Variants in DCHS2 observed in about 807,000 individuals in gnomAD.
DCHS2 encodes dachsous cadherin-related 2, also known as protocadherin-23.
DCHS2 carries 142 observed loss-of-function variants against 182.4 expected under a neutral mutation model. The ratio of observed to expected loss-of-function variants is 0.78; its 90% confidence interval spans 0.68 to 0.89. The LOEUF (loss-of-function observed/expected upper bound fraction) is 0.89, where lower values mean the gene tolerates loss of function less well. DCHS2 is among the 40% of genes least tolerant of loss of function. The pLI is 0.00. For synonymous variants in DCHS2, 1,740 were observed against 1,663.3 expected (o/e 1.05, Z -1.12); for missense variants, 4,319 against 4,198.6 (o/e 1.03, Z -0.79).
chr4:154,303,616 G>A (rs1461294905), intron 12 of DCHS2, among the ~76,000 whole-genome samples: 1 of 152,026 alleles, frequency 6.6e-6, no homozygotes, highest in Non-Finnish European at 1.5e-5. Flanking sequence ...CAATGCTGTT[G>A]GATATAAAGA....
chr4:154,418,122 C>G (rs536966665), intron 1 of DCHS2, among the ~76,000 whole-genome samples: 1 of 152,236 alleles, frequency 6.6e-6, no homozygotes, highest in East Asian at 1.9e-4. Flanking sequence ...ACAATTATTT[C>G]TAGTTAATAC....
intron 15 of DCHS2, among the ~76,000 whole-genome samples, chr4:154,256,538 T>A (rs978766539): frequency 1.1e-4 from 16 of 152,144 alleles, no homozygotes; most frequent in African/African-American, 3.9e-4. Flanking sequence ...TTATCAAAGT[T>A]GTGTTGAGGA....
At chr4:154,270,089 A>G (rs1733514237) in intron 13 of DCHS2, 76 bp from the exon 14 acceptor site, 2 of 1,483,782 alleles carry the variant, frequency 1.3e-6, no homozygotes, top group East Asian at 2.3e-5. Context: ...AATACTGATT[A>G]TTTATTATTT....
intron 3 of DCHS2, among the ~76,000 whole-genome samples, chr4:154,339,303 T>A (rs1728953524): frequency 6.6e-6 from 1 of 152,188 alleles, no homozygotes; most frequent in Non-Finnish European, 1.5e-5. Flanking sequence ...GCTCACCCAT[T>A]CTAGGGCTGG....
intron 1 of DCHS2, among the ~76,000 whole-genome samples, chr4:154,390,104 T>A (rs898645974): frequency 1.8e-4 from 24 of 135,964 alleles, no homozygotes; most frequent in Non-Finnish European, 3.5e-4. Flanking sequence ...TTTTTTTAAA[T>A]TTTTTTATTT....
intron 1 of DCHS2, among the ~76,000 whole-genome samples, chr4:154,383,131 A>G (rs972896762): frequency 6.6e-6 from 1 of 152,242 alleles, no homozygotes; most frequent in Non-Finnish European, 1.5e-5. Flanking sequence ...TGTGGAACAT[A>G]TGCACTATGG....
chr4:154,389,094 A>G (rs1731551904), intron 1 of DCHS2, among the ~76,000 whole-genome samples: 1 of 152,214 alleles, frequency 6.6e-6, no homozygotes, highest in South Asian at 2.1e-4. Context: ...CCATTTTAGC[A>G]TGAAAGAGCC....
intron 1 of DCHS2, among the ~76,000 whole-genome samples, chr4:154,460,449 A>G (rs929784582): frequency 1.3e-5 from 2 of 152,198 alleles, no homozygotes; most frequent in Non-Finnish European, 2.9e-5. Context: ...CCTCAGGCAC[A>G]TTATTTCACT....
chr4:154,429,232 G>T (rs900090913), intron 1 of DCHS2, among the ~76,000 whole-genome samples: 1 of 152,144 alleles, frequency 6.6e-6, no homozygotes, highest in South Asian at 2.1e-4. Flanking sequence ...GACAGAACTG[G>T]TGCTTCGGGA....
rs558517901 is a variant in DCHS2, at chr4:154,469,955, T to C, written c.2052+19349A>G. On this transcript the variant is annotated intron_variant, in intron 1 of 19. Transcript: ENST00000357232. ...TTACAGTCTTCTATTTCATTATTTC[T>C]ATTTTCTGTCTGTCTTCTCCCACAA... Among the ~76,000 whole-genome samples, 7 of 152,334 alleles carry C rather than the reference T, an allele frequency of 4.6e-5. No individual in the cohort carries two copies. The South Asian group carries it at 1.2e-3, about 27-fold the overall frequency.
In DCHS2 at chr4:154,391,035, A is replaced by G. The variant is rs184499835; in HGVS notation, c.2053-13591T>C. Reference sequence around the variant, plus strand: ...ATTCATGAGAGGATCCTAGCTAAGTATTTCTTCCAAGGCTTTATTTCCCTG... The same window carrying G: ...ATTCATGAGAGGATCCTAGCTAAGTGTTTCTTCCAAGGCTTTATTTCCCTG... On this transcript the variant is annotated intron_variant, in intron 1 of 19. Coordinates refer to ENST00000357232, the MANE Select transcript of DCHS2 (RefSeq NM_001358235.2). 14 of 751,138 alleles carry G rather than the reference A, an allele frequency of 1.9e-5. No individual in the cohort carries two copies. In the Admixed American group the frequency reaches 2.4e-4, roughly 13 times the overall value. 46.5% of individuals were successfully genotyped at this position (751,138 alleles called of 1,614,324 possible).
Position 154,234,735 on chromosome 4 carries a change from G to A in DCHS2, c.9917C>T (p.Pro3306Leu), listed in dbSNP as rs371994760. The A allele has an allele frequency of 3.8e-5, 62 of 1,613,754 alleles. No individual in the cohort carries two copies. In the East Asian group the frequency reaches 1.2e-3, roughly 30 times the overall value. ...MPAVNLGQVPPKHPRSPIPYH... is the reference protein window; with the variant it reads ...MPAVNLGQVPLKHPRSPIPYH... Reference sequence around the variant, plus strand: ...GGGGATGGGAGAGCGTGGGTGTTTCGGAGGCACCTGCCCCAGGTTTACTGC... The same window carrying A: ...GGGGATGGGAGAGCGTGGGTGTTTCAGAGGCACCTGCCCCAGGTTTACTGC... Residue 3306 changes from proline to leucine, a missense_variant, in exon 20 of 20, where the codon CCG becomes CTG. Physicochemically the swap from Pro to Leu is moderately conservative, Grantham distance 98. Coordinates refer to ENST00000357232, the MANE Select transcript of DCHS2 (RefSeq NM_001358235.2).
chr4:154,437,647 A>T (rs1363490458), intron 1 of DCHS2, among the ~76,000 whole-genome samples: 2 of 152,066 alleles, frequency 1.3e-5, no homozygotes, highest in East Asian at 3.9e-4. Flanking sequence ...CTGCAAATAA[A>T]CTTTGATTTT....
In DCHS2 at chr4:154,233,552, G is replaced by A. The variant is rs1363375799; in HGVS notation, c.*984C>T. Reference sequence around the variant, plus strand: ...TCTATGAGATTTATCATTAGCTAATGACATGATTTTTATCTACACAAATTT... The same window carrying A: ...TCTATGAGATTTATCATTAGCTAATAACATGATTTTTATCTACACAAATTT... On this transcript the variant is annotated 3_prime_UTR_variant, in exon 20 of 20. Coordinates refer to ENST00000357232, the MANE Select transcript of DCHS2 (RefSeq NM_001358235.2). 1 of 152,164 alleles carries A rather than the reference G, an allele frequency of 6.6e-6. No individual in the cohort carries two copies. Among genetic ancestry groups the A allele is most frequent in the Admixed American group, 6.6e-5 (1 of 15,266 alleles). The allele number at this position is 152,164 out of a possible 1,614,324, so 9.4% of individuals were successfully genotyped here. A position where few individuals can be genotyped will look rare whatever the true frequency, so the allele number is the denominator to read the frequency against.
chr4:154,337,374 C>G (rs1165138361), intron 3 of DCHS2, among the ~76,000 whole-genome samples: 1 of 152,184 alleles, frequency 6.6e-6, no homozygotes, highest in Non-Finnish European at 1.5e-5. Context: ...TCTGCCTCAA[C>G]ACAACCTGGT....
chr4:154,236,352 G>A lies in DCHS2; in HGVS notation c.8300C>T (p.Pro2767Leu), dbSNP rs142258293. ...VSVLDDNDHA[P>L]QFMFSSFSCI... Reference sequence around the variant, plus strand: ...GCTGAAGCTTGAGAACATAAACTGAGGTGCATGGTCGTTATCATCCAGGAC... The same window carrying A: ...GCTGAAGCTTGAGAACATAAACTGAAGTGCATGGTCGTTATCATCCAGGAC... The change falls in exon 20 of 20, where the codon CCT (proline) becomes CTT (leucine). Residue 2767 changes from proline to leucine, a missense_variant. Pro to Leu is a moderately conservative substitution (Grantham distance 98). Coordinates refer to ENST00000357232, the MANE Select transcript of DCHS2 (RefSeq NM_001358235.2). The A allele has an allele frequency of 4.3e-6, 7 of 1,614,030 alleles. No homozygotes were observed. The highest frequency in any genetic ancestry group is 8.5e-7 in the Non-Finnish European group (1 of 1,179,960).
At chr4:154,294,163 A>ATCTC (rs1369825668) in intron 13 of DCHS2, among the ~76,000 whole-genome samples, 6 of 152,204 alleles carry the variant, frequency 3.9e-5, no homozygotes, top group Non-Finnish European at 8.8e-5. Flanking sequence ...TGATGGTGAA[A>ATCTC]TGCTTTAGAG....
chr4:154,329,184 G>A (rs1274749557), intron 6 of DCHS2, among the ~76,000 whole-genome samples: 1 of 152,078 alleles, frequency 6.6e-6, no homozygotes, highest in East Asian at 1.9e-4. Flanking sequence ...ATCAATTGCC[G>A]TTAAGAAGCT....
At chr4:154,280,772 G>A (rs142462904) in intron 13 of DCHS2, among the ~76,000 whole-genome samples, 245 of 150,450 alleles carry the variant, frequency 1.6e-3, no homozygotes, top group Non-Finnish European at 3.0e-3. Flanking sequence ...ACACTCAACA[G>A]TGAAAAACCA....
Sources: gnomAD v4.1 joint callset for allele counts (sites outside exome capture counted in the v4.1 genomes callset) on GRCh38, gnomAD v4.1.1 for gene constraint, MANE v1.5 for transcripts, NCBI Gene and HGNC (gene_info 2026-07-23, HGNC 2026-07-21) for gene names.